CTNNA3: variants seen among roughly 807,000 people sequenced by gnomAD.
CTNNA3 encodes catenin alpha-3.
CTNNA3 carries 76 observed loss-of-function variants against 95.7 expected under a neutral mutation model. The ratio of observed to expected loss-of-function variants is 0.79; its 90% CI spans 0.66 to 0.96. CTNNA3 has a LOEUF of 0.96. CTNNA3 is among the 40% of genes least tolerant of loss of function. The probability of loss-of-function intolerance (pLI) is 0.00; values close to 1 mark genes in which losing one functional copy is unlikely to be tolerated. For synonymous variants in CTNNA3, 431 were observed against 374.4 expected, an observed-to-expected ratio of 1.15 and a Z score of -1.74; for missense variants, 1,191 against 1,089.8, an observed-to-expected ratio of 1.09 and a Z score of -1.31.
At chr10:66,491,854 A>G (rs551240389) in intron 11 of CTNNA3, among the ~76,000 whole-genome samples, 1 of 152,304 alleles carries the variant, frequency 6.6e-6, no homozygotes, top group Admixed American at 6.5e-5. Flanking sequence ...AGTGTGTCAT[A>G]AGTACCATTA....
At chr10:66,326,386 A>G (rs140193520) in intron 12 of CTNNA3, among the ~76,000 whole-genome samples, 81 of 152,186 alleles carry the variant, frequency 5.3e-4, no homozygotes, top group African/African-American at 1.9e-3. Context: ...AGTACTTATA[A>G]ATACCTTACA....
At chr10:65,989,121 A>G (rs977583050) in intron 15 of CTNNA3, among the ~76,000 whole-genome samples, 6 of 152,020 alleles carry the variant, frequency 3.9e-5, no homozygotes, top group Admixed American at 1.3e-4. Flanking sequence ...TTGTATTTTT[A>G]GTAGAGATGG....
At chr10:67,021,714 T>TA (rs1046921301) in intron 7 of CTNNA3, among the ~76,000 whole-genome samples, 2 of 152,258 alleles carry the variant, frequency 1.3e-5, no homozygotes, top group African/African-American at 4.8e-5. Flanking sequence ...GTTGAGATAC[T>TA]AAAAAATTTC....
At chr10:66,906,381 C>T (rs547963191) in intron 7 of CTNNA3, among the ~76,000 whole-genome samples, 15 of 152,236 alleles carry the variant, frequency 9.9e-5, no homozygotes, top group African/African-American at 3.6e-4. Context: ...TAAGCCATAT[C>T]ATGGAGATGC....
At chr10:66,220,839 G>GC (rs1381219385) in intron 13 of CTNNA3, among the ~76,000 whole-genome samples, 8 of 152,150 alleles carry the variant, frequency 5.3e-5, no homozygotes, top group Non-Finnish European at 1.0e-4. Context: ...CTCCTTCTCT[G>GC]CCACATGCTG....
chr10:67,107,893 A>G (rs1858735336), intron 7 of CTNNA3, among the ~76,000 whole-genome samples: 2 of 152,150 alleles, frequency 1.3e-5, no homozygotes, highest in Admixed American at 6.5e-5. Context: ...CAAGCGGCCA[A>G]GCAGGAAGTG....
At chr10:66,895,489 C>G (rs1374577814) in intron 7 of CTNNA3, among the ~76,000 whole-genome samples, 1 of 152,068 alleles carries the variant, frequency 6.6e-6, no homozygotes, top group African/African-American at 2.4e-5. Context: ...ATAAAATGTT[C>G]TTTCACATAT....
intron 5 of CTNNA3, among the ~76,000 whole-genome samples, chr10:67,492,924 G>A (rs994353868): frequency 2.0e-5 from 3 of 151,966 alleles, no homozygotes; most frequent in Admixed American, 2.0e-4. Context: ...AAATAAGAGA[G>A]GAAGGAATCA....
intron 5 of CTNNA3, among the ~76,000 whole-genome samples, chr10:67,319,773 G>A (rs968750311): frequency 1.3e-5 from 2 of 151,808 alleles, no homozygotes; most frequent in Admixed American, 6.6e-5. Flanking sequence ...GCGGGTGCCT[G>A]TAATCCCAGC....
intron 9 of CTNNA3, among the ~76,000 whole-genome samples, chr10:66,730,940 A>T (rs1401404957): frequency 6.6e-6 from 1 of 152,242 alleles, no homozygotes; most frequent in Non-Finnish European, 1.5e-5. Context: ...GATAACAAGA[A>T]GCCCTAGGAA....
intron 1 of CTNNA3, among the ~76,000 whole-genome samples, chr10:67,648,202 C>A (rs983506936): frequency 6.6e-6 from 1 of 152,146 alleles, no homozygotes; most frequent in Non-Finnish European, 1.5e-5. Context: ...CCTTAAAAAT[C>A]AATTCAGTGA....
intron 9 of CTNNA3, among the ~76,000 whole-genome samples, chr10:66,655,446 T>C (rs928739907): frequency 1.3e-5 from 2 of 151,922 alleles, no homozygotes; most frequent in African/African-American, 4.8e-5. Context: ...GCTAAACAAA[T>C]GAGAAATTAT....
chr10:66,669,978 G>A (rs1294179428), intron 9 of CTNNA3, among the ~76,000 whole-genome samples: 1 of 152,042 alleles, frequency 6.6e-6, no homozygotes, highest in African/African-American at 2.4e-5. Context: ...ATTTTGAGAT[G>A]TCTTCTAAAT....
chr10:67,098,345 T>A (rs1017382193), intron 7 of CTNNA3: 12 of 152,642 alleles, frequency 7.9e-5, no homozygotes, highest in African/African-American at 2.7e-4. Context: ...ATTTTTATTA[T>A]GCTTACTGCG....
intron 16 of CTNNA3, among the ~76,000 whole-genome samples, chr10:65,969,064 A>G (rs1355268805): frequency 6.6e-6 from 1 of 152,198 alleles, no homozygotes; most frequent in South Asian, 2.1e-4. Context: ...GTATACACCC[A>G]TCGGTATTGG....
At chr10:66,052,335 A>G (rs1282561384) in intron 15 of CTNNA3, among the ~76,000 whole-genome samples, 1 of 152,148 alleles carries the variant, frequency 6.6e-6, no homozygotes, top group Admixed American at 6.5e-5. Context: ...CATAATTAGG[A>G]AATGTGGTCA....
rs12780748 is a variant in CTNNA3 at position 66,547,787 on chromosome 10, A to G, written c.1375-27014T>C. ...ATATTTGGTCTTACAATCCATAAACATGACCATAGTTAGATTGAGAAATAC... is the reference window on the plus strand; with the variant it reads ...ATATTTGGTCTTACAATCCATAAACGTGACCATAGTTAGATTGAGAAATAC... On this transcript the variant is annotated intron_variant, in intron 10 of 17. Coordinates refer to ENST00000433211, the MANE Select transcript of CTNNA3 (RefSeq NM_013266.4). 3.7e-4 allele frequency among the ~76,000 whole-genome samples: 56 copies of G among 152,320 alleles called. 1 individual carries two copies. In the South Asian group the frequency reaches 0.011, roughly 30 times the overall value.
intron 3 of CTNNA3, among the ~76,000 whole-genome samples, chr10:67,586,049 T>A (rs999681917): frequency 2.6e-5 from 4 of 152,166 alleles, no homozygotes; most frequent in African/African-American, 4.8e-5. Flanking sequence ...TTCAAAAAAA[T>A]TTTTATTTCA....
intron 1 of CTNNA3, among the ~76,000 whole-genome samples, chr10:67,726,802 A>G (rs1841232963): frequency 8.9e-6 from 1 of 112,132 alleles, no homozygotes; most frequent in South Asian, 2.5e-4. Flanking sequence ...GATATTATAT[A>G]CATCATATAT....
Sources: allele counts gnomAD v4.1 joint callset (sites outside exome capture counted in the v4.1 genomes callset), GRCh38; gene constraint gnomAD v4.1.1; transcripts MANE v1.5; gene names NCBI Gene and HGNC (gene_info 2026-07-23, HGNC 2026-07-21).